Variants in MDN1 observed in about 807,000 individuals in gnomAD.
The protein encoded by MDN1 is midasin.
Under a neutral mutation model 669.2 loss-of-function variants are expected in MDN1, and 266 were observed. The ratio of observed to expected loss-of-function variants is 0.40; its 90% CI spans 0.36 to 0.44. The LOEUF is 0.44. MDN1 is among the 20% of genes least tolerant of loss of function. The pLI, the probability that MDN1 is intolerant of heterozygous loss-of-function variation, is 1.00. For missense variants in MDN1, 5,940 were observed against 6,754.0 expected, an observed-to-expected ratio of 0.88 and a Z score of 4.22; for synonymous variants, 2,385 against 2,457.1, an observed-to-expected ratio of 0.97 and a Z score of 0.87.
intron 19 of MDN1, among the ~76,000 whole-genome samples, chr6:89,757,785 C>T (rs1247211308): frequency 6.6e-6 from 1 of 152,100 alleles, no homozygotes; most frequent in Non-Finnish European, 1.5e-5. Flanking sequence ...CTGGCTCACA[C>T]CTGTAATCCC....
chr6:89,789,987 A>C (rs1819165198), intron 6 of MDN1, 76 bp from the exon 7 acceptor site: 8 of 1,588,946 alleles, frequency 5.0e-6, no homozygotes, highest in Admixed American at 1.8e-5. Context: ...ATTAACTGTT[A>C]ATCTTCTATA....
intron 8 of MDN1, among the ~76,000 whole-genome samples, chr6:89,785,598 C>T (rs961841176): frequency 1.3e-5 from 2 of 152,150 alleles, no homozygotes; most frequent in African/African-American, 4.8e-5. Context: ...GGGGAAGGTA[C>T]ATGCTTATGC....
In MDN1 at chr6:89,751,611, C is replaced by T. The variant is rs749708215; in HGVS notation, c.3076-29G>A. ...AAAGACACAGAAGTTCAAGGAATAA[C>T]CCACAGTTGTACATTCTTTCAGAGA... On this transcript the variant is annotated intron_variant, in intron 22 of 101. Coordinates refer to ENST00000369393, the MANE Select transcript of MDN1 (RefSeq NM_014611.3). 1.9e-6 allele frequency: 3 copies of T among 1,606,628 alleles called. No individual in the cohort carries two copies. In the South Asian group the frequency reaches 3.3e-5, roughly 18 times the overall value.
intron 7 of MDN1, 21 bp from the exon 8 acceptor site, chr6:89,787,978 C>T (rs768772479): frequency 2.1e-5 from 33 of 1,561,296 alleles, no homozygotes; most frequent in African/African-American, 5.4e-5. Context: ...TAACAACAAC[C>T]GCACTGATAA....
At chr6:89,766,190 TC>T (rs1345206396) in intron 15 of MDN1, among the ~76,000 whole-genome samples, 1 of 151,942 alleles carries the variant, frequency 6.6e-6, no homozygotes, top group Admixed American at 6.6e-5. Context: ...TCCCAGGTAC[TC>T]AGGAGGCTGA....
In MDN1 at chr6:89,686,845, G is replaced by A. The variant is rs1812043132; in HGVS notation, c.11572+57C>T. Reference sequence around the variant, plus strand: ...GAGCAGGAAAATCCTACACTTTGCAGCACTCCATTTAGCCGGGAAGCTCTA... The same window carrying A: ...GAGCAGGAAAATCCTACACTTTGCAACACTCCATTTAGCCGGGAAGCTCTA... On this transcript the variant is annotated intron_variant, in intron 69 of 101. Coordinates refer to ENST00000369393, the MANE Select transcript of MDN1 (RefSeq NM_014611.3). The A allele has an allele frequency of 3.1e-6, 5 of 1,599,612 alleles. No individual in the cohort carries two copies. In the African/African-American group the frequency reaches 4.0e-5, roughly 13 times the overall value.
intron 2 of MDN1, among the ~76,000 whole-genome samples, chr6:89,801,340 A>G (rs1767643780): frequency 6.6e-6 from 1 of 152,232 alleles, no homozygotes; most frequent in African/African-American, 2.4e-5. Context: ...CCTGGACAGC[A>G]TGGTGAAAAC....
chr6:89,807,143 G>A (rs1425327188), intron 1 of MDN1, among the ~76,000 whole-genome samples: 3 of 152,082 alleles, frequency 2.0e-5, no homozygotes, highest in Non-Finnish European at 4.4e-5. Context: ...CCAGGCTGGA[G>A]TTCTTTGATA....
In MDN1 at chr6:89,654,130, G is replaced by T. The variant is rs59855758; in HGVS notation, c.15661+34C>A. On this transcript the variant is annotated intron_variant, in intron 93 of 101. Coordinates refer to ENST00000369393, the MANE Select transcript of MDN1 (RefSeq NM_014611.3). ...AGAACTGACTACTTCAAGTCAGAGC[G>T]CCTGGGAAGGGTTTGTTCACTAGCA... is the stretch of plus-strand genomic sequence containing the variant. The T allele has an allele frequency of 3.7e-6, 6 of 1,611,580 alleles. 1 individual carries two copies. The South Asian group carries it at 5.5e-5, about 15-fold the overall frequency.
intron 61 of MDN1, 77 bp from the exon 62 acceptor site, chr6:89,694,260 G>C (rs763201380): frequency 8.0e-7 from 1 of 1,242,874 alleles, no homozygotes; most frequent in Non-Finnish European, 1.2e-6. Flanking sequence ...CTGGGGACAC[G>C]TAGAGGAACA....
intron 9 of MDN1, among the ~76,000 whole-genome samples, chr6:89,782,809 T>G (rs1225575457): frequency 1.3e-5 from 2 of 151,926 alleles, no homozygotes; most frequent in African/African-American, 4.8e-5. Context: ...CATGGTGGCA[T>G]GTTGCGGGAA....
chr6:89,702,407 G>GCC (rs1813221848), intron 53 of MDN1, among the ~76,000 whole-genome samples: 1 of 152,364 alleles, frequency 6.6e-6, no homozygotes, highest in South Asian at 2.1e-4. Context: ...ACTCCGACCA[G>GCC]AAGTGTAGAA....
chr6:89,771,680 G>C, intron 14 of MDN1, 59 bp from the exon 15 acceptor site: 1 of 1,404,058 alleles, frequency 7.1e-7, no homozygotes, highest in Middle Eastern at 1.8e-4. Flanking sequence ...ATAATATCCA[G>C]TGTGCTCCTT....
chr6:89,658,590 A>ATTAT lies in MDN1; in HGVS notation c.15021+19_15021+20insATAA. 6.3e-7 allele frequency: 1 copy of ATTAT among 1,588,354 alleles called. No individual in the cohort carries two copies. Among genetic ancestry groups the ATTAT allele is most frequent in the Non-Finnish European group, 8.6e-7 (1 of 1,165,630 alleles). The stretch of plus-strand genomic sequence containing the variant: ...CTTCCTCATTATTTTTAACATAAAA[A>ATTAT]GCCAGACATCTCATGATACCTGGGG... On this transcript the variant is annotated intron_variant, in intron 89 of 101. Coordinates refer to ENST00000369393, the MANE Select transcript of MDN1 (RefSeq NM_014611.3).
intron 89 of MDN1, 64 bp downstream of exon 89, chr6:89,658,546 G>C (rs1462790077): frequency 1.3e-6 from 2 of 1,553,436 alleles, no homozygotes; most frequent in African/African-American, 1.4e-5. Context: ...ATTCTAATGG[G>C]AATAAGGTGA....
At chr6:89,796,324 CAAAAAAA>C (rs35169575) in intron 2 of MDN1, among the ~76,000 whole-genome samples, 49 of 45,290 alleles carry the variant, frequency 1.1e-3, no homozygotes, top group East Asian at 6.3e-3. Flanking sequence ...AACTCTGTCT[CAAAAAAA>C]AAAAAAAAAA....
intron 96 of MDN1, 126 bp downstream of exon 96, chr6:89,650,606 G>C: frequency 1.4e-6 from 1 of 690,410 alleles, no homozygotes; most frequent in Non-Finnish European, 2.5e-6. Context: ...GCATACTGGT[G>C]CCTGTACGGC....
chr6:89,771,368 G>C (rs970599202), intron 15 of MDN1, among the ~76,000 whole-genome samples, 193 bp downstream of exon 15: 1 of 151,960 alleles, frequency 6.6e-6, no homozygotes, highest in African/African-American at 2.4e-5. Flanking sequence ...GTCTTACTGG[G>C]GCCAGCCACA....
At chr6:89,734,193 G>A (rs547162944) in intron 33 of MDN1, among the ~76,000 whole-genome samples, 4 of 152,184 alleles carry the variant, frequency 2.6e-5, no homozygotes, top group South Asian at 2.1e-4. Flanking sequence ...GCTGAGGCAC[G>A]AGAATTGCTT....
Sources: gnomAD v4.1 joint callset for allele counts (sites outside exome capture counted in the v4.1 genomes callset) on GRCh38, gnomAD v4.1.1 for gene constraint, MANE v1.5 for transcripts, NCBI Gene and HGNC (gene_info 2026-07-23, HGNC 2026-07-21) for gene names.